The following TENM2 variants were observed in gnomAD, a reference collection of about 807,000 sequenced individuals.
The protein encoded by TENM2 is teneurin transmembrane protein 2, also known as teneurin-2.
TENM2 carries 52 observed loss-of-function variants against 245.2 expected under a neutral mutation model. That is an observed-to-expected ratio of 0.21 (90% confidence interval 0.17 to 0.27). The LOEUF (loss-of-function observed/expected upper bound fraction) is 0.27, where lower values mean the gene tolerates loss of function less well. TENM2 is among the 10% of genes least tolerant of loss of function. The pLI is 1.00. For synonymous variants in TENM2, 1,363 were observed against 1,438.9 expected (o/e 0.95, Z 1.19); for missense variants, 3,046 against 3,666.8 (o/e 0.83, Z 4.37).
upstream of TENM2, among the ~76,000 whole-genome samples, chr5:167,283,319 G>C (rs557521882): frequency 1.3e-5 from 2 of 152,024 alleles, no homozygotes; most frequent in South Asian, 4.2e-4. Context: ...TTACAGACAT[G>C]AGCCACCGCG....
exon 14 of TENM2, chr5:168,190,372 C>G (rs1365306893): frequency 6.2e-7 from 1 of 1,613,800 alleles, no homozygotes; most frequent in Non-Finnish European, 8.5e-7. Context: ...TGACTGCTGC[C>G]TGCAGTCAGC....
intron 3 of TENM2, among the ~76,000 whole-genome samples, chr5:167,877,534 T>G (rs941209297): frequency 1.3e-5 from 2 of 152,234 alleles, no homozygotes; most frequent in Non-Finnish European, 2.9e-5. Context: ...TATGGCACTC[T>G]TAAAATGACA....
At chr5:167,535,862 T>C in intron 2 of TENM2, among the ~76,000 whole-genome samples, 1 of 152,190 alleles carries the variant, frequency 6.6e-6, no homozygotes, top group East Asian at 1.9e-4. Flanking sequence ...GAATTAGAGC[T>C]CACAAATCAA....
At chr5:168,257,313 G>T (rs1341883362) in intron 27 of TENM2, among the ~76,000 whole-genome samples, 1 of 152,194 alleles carries the variant, frequency 6.6e-6, no homozygotes, top group Non-Finnish European at 1.5e-5. Flanking sequence ...GCCTTACCGG[G>T]CAGGCAGAGT....
the TENM2 span, among the ~76,000 whole-genome samples, chr5:167,129,332 C>A: frequency 1.3e-5 from 2 of 152,146 alleles, no homozygotes; most frequent in African/African-American, 4.8e-5. Context: ...AAACGACTCC[C>A]AGAATCCTAA....
chr5:168,014,944 C>T (rs527906454), intron 5 of TENM2, among the ~76,000 whole-genome samples: 2 of 152,272 alleles, frequency 1.3e-5, no homozygotes, highest in African/African-American at 2.4e-5. Context: ...CTGGATCAGC[C>T]GCTGGGAGCC....
chr5:167,489,025 C>G (rs1768263535), intron 2 of TENM2, among the ~76,000 whole-genome samples: 1 of 152,198 alleles, frequency 6.6e-6, no homozygotes, highest in Non-Finnish European at 1.5e-5. Flanking sequence ...CTAACTACCG[C>G]TGCCACGTCC....
At chr5:167,698,679 G>GT (rs1225922111) in intron 2 of TENM2, among the ~76,000 whole-genome samples, 5,956 of 97,690 alleles carry the variant, frequency 0.061, 308 homozygotes, top group African/African-American at 0.12. Context: ...TTTGTTTTTT[G>GT]TTTTTTTTTT....
At chr5:168,091,096 G>A (rs371049682) in intron 8 of TENM2, among the ~76,000 whole-genome samples, 26 of 152,210 alleles carry the variant, frequency 1.7e-4, no homozygotes, top group East Asian at 1.4e-3. Context: ...AGGAACTAAC[G>A]TGAATGCCCA....
At chr5:167,720,004 GC>G (rs1423491649) in intron 2 of TENM2, among the ~76,000 whole-genome samples, 2 of 152,124 alleles carry the variant, frequency 1.3e-5, no homozygotes, top group Non-Finnish European at 2.9e-5. Context: ...AGAGGGGGGG[GC>G]TTGGGGAAGG....
the TENM2 span, among the ~76,000 whole-genome samples, chr5:167,228,516 T>C: frequency 6.6e-6 from 1 of 152,086 alleles, no homozygotes; most frequent in Non-Finnish European, 1.5e-5. Flanking sequence ...TTCTGAATTG[T>C]CTTTTATCTC....
At position 167,390,680 on chromosome 5, in the gene TENM2, T is replaced by C. The variant is rs949300767; in HGVS notation, c.502+15207T>C. ...ATACAGTGTTGCTTAATAATTGATATAGAAAAAAAACAGTAGAAACATTTC... is the reference window on the plus strand; with the variant it reads ...ATACAGTGTTGCTTAATAATTGATACAGAAAAAAAACAGTAGAAACATTTC... On this transcript the variant is annotated intron_variant, in intron 2 of 28. Coordinates refer to ENST00000518659, the Ensembl canonical transcript of TENM2. 4.6e-5 allele frequency among the ~76,000 whole-genome samples: 7 copies of C among 151,210 alleles called. No individual in the cohort carries two copies. In the East Asian group the frequency reaches 1.4e-3, roughly 29 times the overall value.
chr5:167,933,807 T>C (rs1334381726), intron 3 of TENM2, among the ~76,000 whole-genome samples: 1 of 152,174 alleles, frequency 6.6e-6, no homozygotes, highest in Non-Finnish European at 1.5e-5. Flanking sequence ...ATGTGTATAA[T>C]GGGTATCTCC....
At chr5:167,230,920 G>A in the TENM2 span, among the ~76,000 whole-genome samples, 2 of 152,182 alleles carry the variant, frequency 1.3e-5, no homozygotes, top group African/African-American at 2.4e-5. Context: ...GACCCAGTGG[G>A]AGTAATTGAA....
rs2151426184 is a variant in TENM2, at chr5:167,883,999, C to T, written c.712+7804C>T. ...AAGAGTGTGGACTCTGACGTCCATA[C>T]TACATGCTTTCAAATGATAGCTCAG... On this transcript the variant is annotated intron_variant, in intron 3 of 28. Coordinates refer to ENST00000518659, the Ensembl canonical transcript of TENM2. Among the ~76,000 whole-genome samples the T allele has an allele frequency of 3.3e-5, 5 of 152,260 alleles. No homozygotes were observed. The South Asian group carries it at 1.0e-3, about 32-fold the overall frequency.
intron 3 of TENM2, among the ~76,000 whole-genome samples, chr5:167,949,441 T>C (rs527637573): frequency 3.3e-5 from 5 of 152,192 alleles, no homozygotes; most frequent in Non-Finnish European, 4.4e-5. Flanking sequence ...TACTCAAATC[T>C]GGGGTCCCTG....
the TENM2 span, among the ~76,000 whole-genome samples, chr5:167,210,315 G>A: frequency 6.6e-6 from 1 of 152,154 alleles, no homozygotes; most frequent in Non-Finnish European, 1.5e-5. Context: ...GAATGCATGC[G>A]TGAAGAAAGC....
the TENM2 span, among the ~76,000 whole-genome samples, chr5:166,983,995 C>T: frequency 6.6e-6 from 1 of 152,064 alleles, no homozygotes; most frequent in African/African-American, 2.4e-5. Context: ...AAGTATAGAA[C>T]CCAGCTTTCA....
At chr5:166,990,264 T>C in the TENM2 span, among the ~76,000 whole-genome samples, 2 of 152,210 alleles carry the variant, frequency 1.3e-5, no homozygotes, top group Non-Finnish European at 2.9e-5. Flanking sequence ...AGTAAAATTT[T>C]TGCATCTGAA....
Sources: gnomAD v4.1 joint callset for allele counts (sites outside exome capture counted in the v4.1 genomes callset) on GRCh38, gnomAD v4.1.1 for gene constraint, MANE v1.5 for transcripts, NCBI Gene and HGNC (gene_info 2026-07-23, HGNC 2026-07-21) for gene names.